POLN: variants seen among roughly 807,000 people sequenced by gnomAD.
POLN encodes the protein DNA polymerase N.
A neutral mutation model predicts 113.5 loss-of-function variants in POLN; 108 were observed. The ratio of observed to expected loss-of-function variants is 0.95; its 90% CI spans 0.81 to 1.12. The LOEUF (loss-of-function observed/expected upper bound fraction) is 1.12. Among genes scored for constraint, POLN ranks in the 50% most tolerant of loss-of-function variants. The pLI is 0.00. For synonymous variants in POLN, 386 were observed against 391.5 expected (o/e 0.99, Z 0.17); for missense variants, 1,097 against 1,077.1 (o/e 1.02, Z -0.26).
chr4:2,171,076 A>T, intron 12 of POLN, 22 bp downstream of exon 12: 1 of 1,587,640 alleles, frequency 6.3e-7, no homozygotes, highest in Non-Finnish European at 8.6e-7. Context: ...CATTTTATGA[A>T]AGAACCAAAA....
At chr4:2,172,373 T>C (rs1037447646) in intron 11 of POLN, among the ~76,000 whole-genome samples, 4 of 141,270 alleles carry the variant, frequency 2.8e-5, no homozygotes, top group East Asian at 2.0e-4. Context: ...AACGGACTCA[T>C]GTACTAAGCC....
intron 17 of POLN, 94 bp downstream of exon 17, chr4:2,131,139 C>G (rs1047142658): frequency 1.8e-5 from 16 of 872,202 alleles, no homozygotes; most frequent in Non-Finnish European, 2.9e-5. Context: ...GAGCTGTGAT[C>G]GCACAAATGC....
chr4:2,110,359 A>G (rs1731161181), intron 19 of POLN, among the ~76,000 whole-genome samples: 1 of 152,210 alleles, frequency 6.6e-6, no homozygotes, highest in Admixed American at 6.5e-5. Flanking sequence ...CACATTCAAA[A>G]GCTAGCAGAA....
intron 13 of POLN, among the ~76,000 whole-genome samples, chr4:2,164,356 C>T (rs1185019659): frequency 6.6e-6 from 1 of 151,584 alleles, no homozygotes; most frequent in Non-Finnish European, 1.5e-5. Flanking sequence ...ACAAAATTAG[C>T]CAGGCGTGGT....
intron 2 of POLN, among the ~76,000 whole-genome samples, chr4:2,234,724 A>C (rs1180871364): frequency 6.6e-6 from 1 of 152,220 alleles, no homozygotes; most frequent in Non-Finnish European, 1.5e-5. Flanking sequence ...ATATCAAGAG[A>C]AAAAGCATCA....
intron 23 of POLN, chr4:2,078,527 G>T: frequency 1.2e-6 from 1 of 862,294 alleles, no homozygotes; most frequent in Non-Finnish European, 1.4e-6. Flanking sequence ...CTGGAGTGAA[G>T]TGGTGCGATC....
Position 2,128,172 on chromosome 4 carries a change from A to G in POLN, c.1923T>C (p.Leu641=). ...ILTHLSGDPE[L]LKLFQESERD... is the part of the protein sequence containing the mutation. ...TTTCAGATTCCTGGAATAACTTCAG[A>G]AGTTCCGGATCTCCAGATAAATGTG... Residue 641 remains leucine, a synonymous_variant, in exon 19 of 26, where the codon CTT becomes CTC. Transcript: ENST00000511885. The G allele has an allele frequency of 6.2e-7, 1 of 1,613,070 alleles. No individual in the cohort carries two copies.
intron 2 of POLN, chr4:2,229,602 A>C (rs1182313392): frequency 6.4e-6 from 1 of 155,928 alleles, no homozygotes; most frequent in Non-Finnish European, 1.4e-5. Flanking sequence ...AGGCGGGTGG[A>C]TCACCTGAGG....
intron 4 of POLN, among the ~76,000 whole-genome samples, chr4:2,211,164 C>G: frequency 6.8e-6 from 1 of 147,726 alleles, no homozygotes; most frequent in Admixed American, 6.8e-5. Flanking sequence ...GCAGGAGAAT[C>G]GCTTAACCCA....
At chr4:2,212,313 C>T (rs1262802805) in intron 4 of POLN, among the ~76,000 whole-genome samples, 1 of 152,148 alleles carries the variant, frequency 6.6e-6, no homozygotes, top group African/African-American at 2.4e-5. Context: ...GCTTTCTTCC[C>T]TTATCTGAAA....
intron 19 of POLN, among the ~76,000 whole-genome samples, chr4:2,101,972 G>T (rs968762233): frequency 6.6e-6 from 1 of 152,166 alleles, no homozygotes; most frequent in Non-Finnish European, 1.5e-5. Context: ...GTGACAGCTG[G>T]GATGGGGGAG....
chr4:2,202,723 CAAA>C (rs34712930), intron 5 of POLN, among the ~76,000 whole-genome samples: 23 of 36,850 alleles, frequency 6.2e-4, no homozygotes, highest in African/African-American at 2.1e-3. Flanking sequence ...GACTCTGTCT[CAAA>C]AAAAAAAAAA....
In POLN at chr4:2,095,890, G is replaced by T; in HGVS notation, c.2026C>A (p.Gln676Lys). The change falls in exon 20 of 26, where the codon CAA becomes AAA. Residue 676 changes from glutamine to lysine, a missense_variant. Transcript: ENST00000511885. ...ACCGCGTACACCACCTTCTTGGTTT[G>T]CTCTCTGTCTGCGTGTGTCACCTGT... ...VEQVTHADRE[Q>K]TKKVVYAVVY... is the part of the protein sequence containing the mutation. 9 of 1,614,098 alleles carry T rather than the reference G, an allele frequency of 5.6e-6. No individual in the cohort carries two copies. The highest frequency in any genetic ancestry group is 6.8e-6 in the Non-Finnish European group (8 of 1,180,028).
At chr4:2,176,413 T>A (rs566643125) in intron 8 of POLN, 79 bp from the exon 9 acceptor site, 34 of 1,118,066 alleles carry the variant, frequency 3.0e-5, no homozygotes, top group East Asian at 1.5e-4. Context: ...CTGACATGAC[T>A]TGAAAAATGT....
chr4:2,082,497 T>A (rs771275324), intron 21 of POLN, among the ~76,000 whole-genome samples: 2 of 152,188 alleles, frequency 1.3e-5, no homozygotes, highest in Non-Finnish European at 2.9e-5. Context: ...GTATGCAATT[T>A]GGGGGCTCTT....
chr4:2,106,912 T>C (rs1191836588), intron 19 of POLN, among the ~76,000 whole-genome samples: 2 of 152,184 alleles, frequency 1.3e-5, no homozygotes, highest in African/African-American at 4.8e-5. Context: ...TTAGTTTGTC[T>C]AGTTACTAAA....
At chr4:2,196,776 T>C (rs957092053) in intron 6 of POLN, among the ~76,000 whole-genome samples, 8 of 152,230 alleles carry the variant, frequency 5.3e-5, no homozygotes, top group Non-Finnish European at 8.8e-5. Flanking sequence ...TTGATAATGT[T>C]GGCCTGGGTG....
intron 16 of POLN, among the ~76,000 whole-genome samples, chr4:2,148,905 A>G (rs1732220094): frequency 6.6e-6 from 1 of 152,186 alleles, no homozygotes; most frequent in South Asian, 2.1e-4. Context: ...AGAAAGTAAC[A>G]TCTTCAAAGT....
At chr4:2,091,798 T>TGCGCGCGC (rs552997507) in intron 20 of POLN, among the ~76,000 whole-genome samples, 1 of 133,298 alleles carries the variant, frequency 7.5e-6, no homozygotes, top group Non-Finnish European at 1.6e-5. Context: ...TGTGTGTGTG[T>TGCGCGCGC]GTGCGCGCGC....
Sources: allele counts gnomAD v4.1 joint callset (sites outside exome capture counted in the v4.1 genomes callset), GRCh38; gene constraint gnomAD v4.1.1; transcripts MANE v1.5; gene names NCBI Gene and HGNC (gene_info 2026-07-23, HGNC 2026-07-21).